The following TMEM87B variants were observed in gnomAD, a reference collection of about 807,000 sequenced individuals.
TMEM87B encodes transmembrane protein 87B.
A neutral mutation model predicts 80.3 loss-of-function variants in TMEM87B; 83 were observed. The ratio of observed to expected loss-of-function variants is 1.03; its 90% confidence interval spans 0.87 to 1.24. TMEM87B has a LOEUF of 1.24. TMEM87B is among the 50% of genes most tolerant of loss of function. TMEM87B has a pLI of 0.00. For missense variants in TMEM87B, 625 were observed against 674.4 expected (o/e 0.93, Z 0.81); for synonymous variants, 219 against 230.5 (o/e 0.95, Z 0.45).
At chr2:112,080,733 G>T (rs948055653) in intron 6 of TMEM87B, among the ~76,000 whole-genome samples, 2 of 152,044 alleles carry the variant, frequency 1.3e-5, no homozygotes, top group Non-Finnish European at 2.9e-5. Context: ...TTTTTATATT[G>T]ATGTAATCCC....
At position 112,055,313 on chromosome 2, in the gene TMEM87B, G is replaced by T. The variant is rs1678004224; in HGVS notation, c.-279G>T. 6 of 467,516 alleles carry T rather than the reference G, an allele frequency of 1.3e-5. No individual in the cohort carries two copies. The highest frequency in any genetic ancestry group is 2.1e-5 in the African/African-American group (1 of 48,506). 29.0% of individuals were successfully genotyped at this position (467,516 alleles called of 1,614,324 possible). ...GCCCTGAGCCCAGCCTCCACGTCTCGCCGCCAACTCCACATCCTGGCTCCT... is the reference window on the plus strand; with the variant it reads ...GCCCTGAGCCCAGCCTCCACGTCTCTCCGCCAACTCCACATCCTGGCTCCT... On this transcript the variant is annotated 5_prime_UTR_variant, in exon 1 of 19. Coordinates refer to ENST00000283206, the MANE Select transcript of TMEM87B (RefSeq NM_032824.3).
At chr2:112,108,922 C>G (rs1249165420) in intron 17 of TMEM87B, among the ~76,000 whole-genome samples, 6 of 152,108 alleles carry the variant, frequency 3.9e-5, no homozygotes, top group African/African-American at 1.4e-4. Flanking sequence ...TTTTATAATC[C>G]TATCAGCAAT....
chr2:112,107,854 T>A lies in TMEM87B; in HGVS notation c.1577+14T>A. 1 of 1,552,694 alleles carries A rather than the reference T, an allele frequency of 6.4e-7. No individual in the cohort carries two copies. Among genetic ancestry groups the A allele is most frequent in the Non-Finnish European group, 8.8e-7 (1 of 1,133,172 alleles). On this transcript the variant is annotated intron_variant, in intron 17 of 18. Coordinates refer to ENST00000283206, the MANE Select transcript of TMEM87B (RefSeq NM_032824.3). ...ATTCACAGATGTGTAAGTTATCTTC[T>A]GTTACAGTTTGATTGTAAATTTTAG... is the stretch of plus-strand genomic sequence containing the variant.
chr2:112,058,057 C>G (rs539658997), intron 1 of TMEM87B, among the ~76,000 whole-genome samples: 1 of 152,252 alleles, frequency 6.6e-6, no homozygotes, highest in South Asian at 2.1e-4. Context: ...GAACTCCTGA[C>G]CTCAGGTGAT....
chr2:112,100,627 C>G lies in TMEM87B; in HGVS notation c.1382C>G (p.Ala461Gly), dbSNP rs147794240. The G allele has an allele frequency of 1.2e-6, 2 of 1,606,328 alleles. No individual in the cohort carries two copies. The highest frequency in any genetic ancestry group is 2.7e-5 in the African/African-American group (2 of 74,792). ...WRPSANNQRY[A>G]FMPLIDDSDD... The stretch of plus-strand genomic sequence containing the variant: ...ACTCCTTGTTTTTGCTATAGATATG[C>G]CTTCATGCCCTTAATAGATGATTCT... The change falls in exon 15 of 19, where the codon GCC (alanine) becomes GGC (glycine). Residue 461 changes from alanine (A) to glycine (G), a missense_variant. Ala to Gly is a moderately conservative substitution (Grantham distance 60, BLOSUM62 0). Coordinates refer to ENST00000283206, the MANE Select transcript of TMEM87B (RefSeq NM_032824.3).
chr2:112,081,505 C>T lies in TMEM87B; in HGVS notation c.825C>T (p.Asn275=), dbSNP rs1229521830. The change falls in exon 8 of 19, where the codon AAC becomes AAT. Residue 275 remains asparagine (N), a synonymous_variant. Coordinates refer to ENST00000283206, the MANE Select transcript of TMEM87B (RefSeq NM_032824.3). ...VFYSEYQNIS[N]TGLSTQGLLI... ...ATAGTGAATACCAAAACATCAGCAA[C>T]ACTGGACTGTCAAGTAAGTTTTGAC... 1 of 1,607,656 alleles carries T rather than the reference C, an allele frequency of 6.2e-7. No individual in the cohort carries two copies. The highest frequency in any genetic ancestry group is 1.1e-5 in the South Asian group (1 of 90,060).
chr2:112,055,468 C>G lies in TMEM87B; in HGVS notation c.-124C>G. On this transcript the variant is annotated 5_prime_UTR_variant, in exon 1 of 19. Coordinates refer to ENST00000283206, the MANE Select transcript of TMEM87B (RefSeq NM_032824.3). ...TCTCCGCCCAGGCCCAAGCGCGAGC[C>G]CCTCCTCCACACCCGAGTCCGAGCC... is the stretch of plus-strand genomic sequence containing the variant. 1 of 1,166,114 alleles carries G rather than the reference C, an allele frequency of 8.6e-7. No homozygotes were observed. 72.2% of individuals were successfully genotyped at this position (1,166,114 alleles called of 1,614,324 possible).
intron 16 of TMEM87B, among the ~76,000 whole-genome samples, chr2:112,107,383 T>G (rs1243068922): frequency 1.3e-5 from 2 of 150,658 alleles, no homozygotes; most frequent in African/African-American, 2.4e-5. Flanking sequence ...AAAAGAATGT[T>G]TGTATTATCA....
intron 1 of TMEM87B, among the ~76,000 whole-genome samples, chr2:112,059,542 A>G (rs574023272): frequency 1.3e-4 from 20 of 152,298 alleles, no homozygotes; most frequent in African/African-American, 4.8e-4. Context: ...TTCACGTCCT[A>G]TAGGCTACAG....
chr2:112,090,037 T>G (rs1282343941), intron 10 of TMEM87B, among the ~76,000 whole-genome samples: 1 of 152,232 alleles, frequency 6.6e-6, no homozygotes, highest in African/African-American at 2.4e-5. Context: ...TACCTTAATA[T>G]CATTCTTAAC....
chr2:112,066,798 G>T (rs1261877838), intron 3 of TMEM87B, 138 bp from the exon 4 acceptor site: 5 of 745,494 alleles, frequency 6.7e-6, no homozygotes, highest in Admixed American at 3.8e-5. Flanking sequence ...GTTTTTATTT[G>T]GTATTTTATT....
At chr2:112,073,314 A>G (rs1338437593) in intron 4 of TMEM87B, among the ~76,000 whole-genome samples, 1 of 152,120 alleles carries the variant, frequency 6.6e-6, no homozygotes, top group East Asian at 1.9e-4. Flanking sequence ...CTTTGTTCTC[A>G]TTAGTTTCAG....
chr2:112,072,703 C>G (rs537453112), intron 4 of TMEM87B, among the ~76,000 whole-genome samples: 1 of 151,508 alleles, frequency 6.6e-6, no homozygotes. Flanking sequence ...GATTAATTTT[C>G]TCAAAAAAAC....
intron 2 of TMEM87B, among the ~76,000 whole-genome samples, chr2:112,062,285 C>T (rs988486786): frequency 6.6e-6 from 1 of 152,168 alleles, no homozygotes; most frequent in African/African-American, 2.4e-5. Flanking sequence ...TTAAGGCAAC[C>T]TCTCTTCTGC....
At chr2:112,056,854 T>A (rs1190163110) in intron 1 of TMEM87B, among the ~76,000 whole-genome samples, 1 of 152,176 alleles carries the variant, frequency 6.6e-6, no homozygotes, top group Non-Finnish European at 1.5e-5. Context: ...TCTGCACATC[T>A]CCATTATTTA....
At chr2:112,060,141 T>A in intron 2 of TMEM87B, 104 bp downstream of exon 2, 1 of 1,285,992 alleles carries the variant, frequency 7.8e-7, no homozygotes, top group Admixed American at 3.4e-5. Context: ...AGGTCGGGAG[T>A]TCAGGACGAG....
chr2:112,091,666 A>G (rs772028602), intron 10 of TMEM87B, 46 bp from the exon 11 acceptor site: 5 of 1,269,656 alleles, frequency 3.9e-6, no homozygotes, highest in South Asian at 2.5e-5. Context: ...CTATAGTGCA[A>G]TGAAAGTGTT....
At chr2:112,096,954 G>A in intron 11 of TMEM87B, 90 bp from the exon 12 acceptor site, 1 of 869,574 alleles carries the variant, frequency 1.1e-6, no homozygotes, top group Non-Finnish European at 1.9e-6. Flanking sequence ...GTATTTAGCA[G>A]TACTGACTTT....
Position 112,118,003 on chromosome 2 carries a change from G to A in TMEM87B, c.*1860G>A, listed in dbSNP as rs1020990743. On this transcript the variant is annotated 3_prime_UTR_variant, in exon 19 of 19. Transcript: ENST00000283206. The stretch of plus-strand genomic sequence containing the variant: ...ATCTCAGTAATGTTTACCAAAACAT[G>A]TCTTTCTACAGCTGGTAGGATAAAT... 1 of 151,798 alleles carries A rather than the reference G, an allele frequency of 6.6e-6. No homozygotes were observed. Among genetic ancestry groups the A allele is most frequent in the Admixed American group, 6.6e-5 (1 of 15,254 alleles). The allele number at this position is 151,798 out of a possible 1,614,324, so 9.4% of individuals were successfully genotyped here. A position where few individuals can be genotyped will look rare whatever the true frequency, so the allele number is the denominator to read the frequency against.
Sources: allele counts gnomAD v4.1 joint callset (sites outside exome capture counted in the v4.1 genomes callset), GRCh38; gene constraint gnomAD v4.1.1; transcripts MANE v1.5; gene names NCBI Gene and HGNC (gene_info 2026-07-23, HGNC 2026-07-21).